Variants in CNTNAP2 observed in about 807,000 individuals in gnomAD.
CNTNAP2 encodes the protein contactin-associated protein-like 2.
Under a neutral mutation model 155.2 loss-of-function variants are expected in CNTNAP2, and 98 were observed. The observed-to-expected ratio is 0.63, with a 90% confidence interval of 0.54 to 0.75. The LOEUF is 0.75. Among genes scored for constraint, CNTNAP2 ranks in the 30% least tolerant of loss-of-function variants. The pLI, the probability that CNTNAP2 is intolerant of heterozygous loss-of-function variation, is 0.00. For missense variants in CNTNAP2, 1,727 were observed against 1,688.1 expected, an observed-to-expected ratio of 1.02 and a Z score of -0.40; for synonymous variants, 651 against 631.2, an observed-to-expected ratio of 1.03 and a Z score of -0.47.
At chr7:146,776,788 C>A (rs941966021) in intron 2 of CNTNAP2, among the ~76,000 whole-genome samples, 2 of 152,064 alleles carry the variant, frequency 1.3e-5, no homozygotes, top group African/African-American at 4.8e-5. Flanking sequence ...TAACATAATA[C>A]AAGATACCAC....
At chr7:146,308,784 A>G (rs115744756) in intron 1 of CNTNAP2, among the ~76,000 whole-genome samples, 4,401 of 152,030 alleles carry the variant, frequency 0.029, 93 homozygotes, top group African/African-American at 0.06. Flanking sequence ...CAATAAAAAC[A>G]CTTGGACACA....
intron 10 of CNTNAP2, among the ~76,000 whole-genome samples, chr7:147,433,629 T>A (rs1186810733): frequency 1.3e-5 from 2 of 152,196 alleles, no homozygotes; most frequent in Admixed American, 6.5e-5. Flanking sequence ...CCACCTATTT[T>A]AGGATTTTCA....
At chr7:147,896,078 G>A (rs1377838145) in intron 13 of CNTNAP2, among the ~76,000 whole-genome samples, 1 of 152,230 alleles carries the variant, frequency 6.6e-6, no homozygotes, top group Non-Finnish European at 1.5e-5. Flanking sequence ...CTAAAGTATT[G>A]TGACTTGAGA....
chr7:146,461,438 A>G (rs959437713), intron 1 of CNTNAP2, among the ~76,000 whole-genome samples: 1 of 151,584 alleles, frequency 6.6e-6, no homozygotes, highest in Non-Finnish European at 1.5e-5. Context: ...TAATAATAAT[A>G]CCTTAATAAA....
rs542245588 is a variant in CNTNAP2 at position 146,907,193 on chromosome 7, T to A, written c.402+67289T>A. On this transcript the variant is annotated intron_variant, in intron 3 of 23. Coordinates refer to ENST00000361727, the MANE Select transcript of CNTNAP2 (RefSeq NM_014141.6). ...GTCTGATTGGTGTACCTGAAAATGA[T>A]GTGGAGAATGGAACCAAGTTGGAAA... Among the ~76,000 whole-genome samples, 15 of 152,112 alleles carry A rather than the reference T, an allele frequency of 9.9e-5. No homozygotes were observed. The East Asian group carries it at 2.9e-3, about 30-fold the overall frequency.
chr7:147,960,502 CA>C (rs1221860992), intron 14 of CNTNAP2, among the ~76,000 whole-genome samples: 3 of 152,000 alleles, frequency 2.0e-5, no homozygotes, highest in Non-Finnish European at 4.4e-5. Context: ...ATCAGCCTGC[CA>C]AATATGAGAA....
At chr7:146,302,058 G>A (rs939565249) in intron 1 of CNTNAP2, among the ~76,000 whole-genome samples, 1 of 152,140 alleles carries the variant, frequency 6.6e-6, no homozygotes, top group Non-Finnish European at 1.5e-5. Context: ...ATTATCCTGA[G>A]TAGTTTGTCA....
At chr7:147,702,289 AAG>A (rs1416346184) in intron 13 of CNTNAP2, among the ~76,000 whole-genome samples, 2 of 151,976 alleles carry the variant, frequency 1.3e-5, no homozygotes, top group African/African-American at 4.8e-5. Context: ...TTCTTATAAA[AAG>A]TGTTTATATC....
chr7:147,049,258 T>A (rs1799425389), intron 4 of CNTNAP2, among the ~76,000 whole-genome samples: 1 of 152,254 alleles, frequency 6.6e-6, no homozygotes, highest in African/African-American at 2.4e-5. Context: ...AGATTCTTTT[T>A]CATTTATTAT....
At chr7:146,517,961 T>C (rs1797565198) in intron 1 of CNTNAP2, among the ~76,000 whole-genome samples, 1 of 151,958 alleles carries the variant, frequency 6.6e-6, no homozygotes, top group Non-Finnish European at 1.5e-5. Flanking sequence ...TTCTGAGATC[T>C]ACTATTAAGA....
chr7:146,167,517 A>C (rs999259830), intron 1 of CNTNAP2, among the ~76,000 whole-genome samples: 1 of 152,238 alleles, frequency 6.6e-6, no homozygotes, highest in African/African-American at 2.4e-5. Flanking sequence ...GATGAAGAGG[A>C]CATAAACTCA....
At position 146,471,876 on chromosome 7, in the gene CNTNAP2, C is replaced by CT. The variant is rs577407140; in HGVS notation, c.98-302388dup. On this transcript the variant is annotated intron_variant, in intron 1 of 23. Coordinates refer to ENST00000361727, the MANE Select transcript of CNTNAP2 (RefSeq NM_014141.6). ...ATTAGAAATTAAGATCCATAAATCA[C>CT]TTTTTTTGTGGGAAATGGGGACCAG... 5.7e-3 allele frequency among the ~76,000 whole-genome samples: 860 copies of CT among 152,176 alleles called. 11 individuals are homozygous for CT. The highest frequency in any genetic ancestry group is 0.02 in the African/African-American group (819 of 41,510).
At chr7:147,179,849 T>C (rs1000767533) in intron 8 of CNTNAP2, among the ~76,000 whole-genome samples, 6 of 152,002 alleles carry the variant, frequency 3.9e-5, no homozygotes, top group Non-Finnish European at 8.8e-5. Flanking sequence ...CTAGAGTAAG[T>C]GATCTTGAGG....
chr7:146,469,994 C>A (rs1796772858), intron 1 of CNTNAP2, among the ~76,000 whole-genome samples: 1 of 151,942 alleles, frequency 6.6e-6, no homozygotes, highest in Non-Finnish European at 1.5e-5. Flanking sequence ...TGCCCACCAC[C>A]ACGCCCGGCT....
chr7:146,308,889 G>A (rs201281223), intron 1 of CNTNAP2, among the ~76,000 whole-genome samples: 21 of 152,046 alleles, frequency 1.4e-4, no homozygotes, highest in Non-Finnish European at 2.8e-4. Flanking sequence ...TGACAAGTTA[G>A]TGGGTGCATC....
chr7:147,196,409 A>G (rs971309541), intron 8 of CNTNAP2, among the ~76,000 whole-genome samples: 3 of 152,348 alleles, frequency 2.0e-5, no homozygotes, highest in Middle Eastern at 3.4e-3. Context: ...CTAGGAATGG[A>G]CCATGTTTTC....
At chr7:146,592,140 A>G (rs954826021) in intron 1 of CNTNAP2, among the ~76,000 whole-genome samples, 6 of 152,184 alleles carry the variant, frequency 3.9e-5, no homozygotes, top group African/African-American at 1.4e-4. Flanking sequence ...AAACAAAGCC[A>G]GTGCCAGCTC....
intron 6 of CNTNAP2, chr7:147,122,904 A>T (rs2129283131): frequency 6.6e-6 from 1 of 152,294 alleles, no homozygotes; most frequent in African/African-American, 2.4e-5. Context: ...AAGAATATGG[A>T]ATATGCTCAT....
chr7:146,556,552 T>C (rs1427849720), intron 1 of CNTNAP2, among the ~76,000 whole-genome samples: 2 of 152,128 alleles, frequency 1.3e-5, no homozygotes, highest in Admixed American at 1.3e-4. Flanking sequence ...CCTAATATTC[T>C]GATCATAACA....
Sources: gnomAD v4.1 joint callset for allele counts (sites outside exome capture counted in the v4.1 genomes callset) on GRCh38, gnomAD v4.1.1 for gene constraint, MANE v1.5 for transcripts, NCBI Gene and HGNC (gene_info 2026-07-23, HGNC 2026-07-21) for gene names.